Variants in UBE2J2 observed in about 807,000 individuals in gnomAD.
UBE2J2 encodes ubiquitin conjugating enzyme E2 J2.
In UBE2J2, 5 loss-of-function variants were observed where a neutral mutation model predicts 28.6. That is an observed-to-expected ratio of 0.17 (90% CI 0.09 to 0.37). The LOEUF (loss-of-function observed/expected upper bound fraction) is 0.37, where lower values mean the gene tolerates loss of function less well. Among genes scored for constraint, UBE2J2 ranks in the 10% least tolerant of loss-of-function variants. The pLI is 1.00. For synonymous variants in UBE2J2, 138 were observed against 139.7 expected (o/e 0.99, Z 0.09); for missense variants, 226 against 338.9 (o/e 0.67, Z 2.62).
chr1:1,273,588 G>A (rs1026550997), intron 1 of UBE2J2, 78 bp downstream of exon 1: 9 of 151,682 alleles, frequency 5.9e-5, no homozygotes, highest in African/African-American at 2.2e-4. Context: ...CAGCAGCCCC[G>A]GGCCGCCGCT....
chr1:1,271,974 CAA>C (rs60924258), intron 1 of UBE2J2, among the ~76,000 whole-genome samples: 1,080 of 27,464 alleles, frequency 0.039, 1 homozygote, highest in African/African-American at 0.048. Flanking sequence ...AACTCCGTCT[CAA>C]AAAAAAAAAA....
chr1:1,259,465 A>G (rs750490139), intron 3 of UBE2J2, among the ~76,000 whole-genome samples: 5 of 152,158 alleles, frequency 3.3e-5, no homozygotes, highest in Admixed American at 2.0e-4. Context: ...CGAGTCCCCA[A>G]ATCGCCACGG....
At chr1:1,255,567 A>G (rs990741892) in intron 6 of UBE2J2, 80 bp from the exon 7 acceptor site, 7 of 1,461,926 alleles carry the variant, frequency 4.8e-6, no homozygotes, top group Non-Finnish European at 6.5e-6. Flanking sequence ...TCAGGAGTCC[A>G]CGGTCCACCA....
intron 1 of UBE2J2, among the ~76,000 whole-genome samples, chr1:1,270,637 CG>C (rs1258912699): frequency 6.6e-6 from 1 of 152,204 alleles, no homozygotes; most frequent in Non-Finnish European, 1.5e-5. Context: ...CAACTCCCCC[CG>C]TGGGTCCAGA....
At chr1:1,269,209 C>A (rs532699298) in intron 1 of UBE2J2, among the ~76,000 whole-genome samples, 1 of 148,404 alleles carries the variant, frequency 6.7e-6, no homozygotes, top group South Asian at 2.2e-4. Context: ...ATCAGGGACC[C>A]CAAGGCCCCT....
chr1:1,265,399 C>G (rs963610350), intron 2 of UBE2J2, among the ~76,000 whole-genome samples: 3 of 152,194 alleles, frequency 2.0e-5, no homozygotes, highest in African/African-American at 7.2e-5. Flanking sequence ...GTGCCTAGGA[C>G]CAGCCCCATA....
chr1:1,269,051 T>C lies in UBE2J2; in HGVS notation c.1-1059A>G, dbSNP rs544513258. ...TAGGAAAGTCACTCTGGTGGCTCCA[T>C]TGGGACGTTCAAGACAGCACTGAAG... On this transcript the variant is annotated intron_variant, in intron 1 of 6. Transcript: ENST00000349431. 1.2e-4 allele frequency among the ~76,000 whole-genome samples: 19 copies of C among 152,226 alleles called. No individual in the cohort carries two copies. In the East Asian group the frequency reaches 1.4e-3, roughly 11 times the overall value.
intron 3 of UBE2J2, among the ~76,000 whole-genome samples, chr1:1,258,988 CGT>C (rs926170009): frequency 5.9e-5 from 9 of 152,262 alleles, no homozygotes; most frequent in African/African-American, 1.9e-4. Context: ...CATGCGTTGA[CGT>C]GTGTGTGCAT....
intron 3 of UBE2J2, 96 bp from the exon 4 acceptor site, chr1:1,257,406 C>CCCCCCCCCCCCCA (rs1553154847): frequency 1.8e-6 from 1 of 558,730 alleles, no homozygotes; most frequent in Admixed American, 5.2e-5. Flanking sequence ...CCCCCCCCCC[C>CCCCCCCCCCCCCA]CCTCAGCTCG....
intron 6 of UBE2J2, 134 bp downstream of exon 6, chr1:1,255,911 G>A (rs1298199935): frequency 5.6e-6 from 4 of 718,486 alleles, no homozygotes; most frequent in Admixed American, 2.3e-5. Context: ...CCCCTGCCTC[G>A]GGGCTCCTGG....
chr1:1,263,210 CCAACTAA>C, intron 3 of UBE2J2, 129 bp downstream of exon 3: 1 of 806,882 alleles, frequency 1.2e-6, no homozygotes, highest in Admixed American at 2.0e-5. Context: ...AGGAGGAGTT[CCAACTAA>C]GCCAATTTAA....
At chr1:1,271,394 T>G (rs1557570039) in intron 1 of UBE2J2, 2 of 152,272 alleles carry the variant, frequency 1.3e-5, no homozygotes, top group South Asian at 2.1e-4. Context: ...CAAGTGCAGG[T>G]GGGTCTGGGC....
At chr1:1,273,157 G>C (rs764993059) in intron 1 of UBE2J2, 2 of 152,214 alleles carry the variant, frequency 1.3e-5, no homozygotes, top group African/African-American at 4.8e-5. Flanking sequence ...GCCGCTTAGA[G>C]ACTTGTTCCG....
At chr1:1,258,782 C>G (rs542316582) in intron 3 of UBE2J2, among the ~76,000 whole-genome samples, 1 of 152,256 alleles carries the variant, frequency 6.6e-6, no homozygotes, top group Admixed American at 6.5e-5. Flanking sequence ...AATCTAGAGC[C>G]GCACACCCTG....
At chr1:1,258,231 C>T (rs960101639) in intron 3 of UBE2J2, among the ~76,000 whole-genome samples, 40 of 151,928 alleles carry the variant, frequency 2.6e-4, no homozygotes, top group Non-Finnish European at 4.6e-4. Context: ...TTAGTAGAGA[C>T]GGGGTTTCAC....
intron 5 of UBE2J2, 59 bp from the exon 6 acceptor site, chr1:1,256,184 A>AT: frequency 7.7e-7 from 1 of 1,299,882 alleles, no homozygotes; most frequent in South Asian, 1.2e-5. Context: ...TCAAGATTCT[A>AT]AAAACAGATG....
At position 1,267,964 on chromosome 1, in the gene UBE2J2, G is replaced by A. The variant is rs769857114; in HGVS notation, c.29C>T (p.Pro10Leu). 25 of 1,613,998 alleles carry A rather than the reference G, an allele frequency of 1.5e-5. No individual in the cohort carries two copies. Among genetic ancestry groups the A allele is most frequent in the East Asian group, 2.2e-5 (1 of 44,884 alleles). Residue 10 changes from proline (P) to leucine (L), a missense_variant, in exon 2 of 7, where the codon CCG becomes CTG. By Grantham distance (98) the Pro-to-Leu change is moderately conservative. Around this residue, in one of 3 missense-constraint regions of UBE2J2, gnomAD observed 80 missense variants for 114.5 expected, o/e 0.70. Transcript: ENST00000349431. MSSTSSKRAPTTATQRLKQD... is the reference protein window; with the variant it reads MSSTSSKRALTTATQRLKQD... ...CTTCAGCCTCTGGGTTGCCGTGGTCGGAGCCCTCTTACTGCTGGTGCTGCT... is the reference window on the plus strand; with the variant it reads ...CTTCAGCCTCTGGGTTGCCGTGGTCAGAGCCCTCTTACTGCTGGTGCTGCT...
intron 1 of UBE2J2, chr1:1,273,435 GGCCGAGTGGTCAAGTCCCC>G (rs1337885174): frequency 1.3e-5 from 2 of 152,098 alleles, no homozygotes; most frequent in African/African-American, 4.8e-5. Context: ...CGGGAAACCC[GGCCGAGTGGTCAAGTCCCC>G]GACATGACCC....
rs575436027 is a variant in UBE2J2 at position 1,269,018 on chromosome 1, T to A, written c.1-1026A>T. Among the ~76,000 whole-genome samples the A allele has an allele frequency of 3.3e-5, 5 of 152,258 alleles. No individual in the cohort carries two copies. In the South Asian group the frequency reaches 6.2e-4, roughly 19 times the overall value. ...GGTCCAAGCCTCAAGGCAGATCATATCTTCTGTTAGGAAAGTCACTCTGGT... is the reference window on the plus strand; with the variant it reads ...GGTCCAAGCCTCAAGGCAGATCATAACTTCTGTTAGGAAAGTCACTCTGGT... On this transcript the variant is annotated intron_variant, in intron 1 of 6. Coordinates refer to ENST00000349431, the MANE Select transcript of UBE2J2 (RefSeq NM_058167.3).
Sources: allele counts gnomAD v4.1 joint callset (sites outside exome capture counted in the v4.1 genomes callset), GRCh38; gene constraint gnomAD v4.1.1; regional missense constraint gnomAD v4.1.1; transcripts MANE v1.5; gene names NCBI Gene and HGNC (gene_info 2026-07-23, HGNC 2026-07-21).